DCPS: variants seen among roughly 807,000 people sequenced by gnomAD.
The protein encoded by DCPS is m7GpppX diphosphatase.
DCPS carries 27 observed loss-of-function variants against 34.7 expected under a neutral mutation model. That is an observed-to-expected ratio of 0.78 (90% confidence interval 0.57 to 1.07). The LOEUF (loss-of-function observed/expected upper bound fraction) is 1.07. DCPS is among the 50% of genes least tolerant of loss of function. DCPS has a pLI of 0.00. For missense variants in DCPS, 464 were observed against 436.9 expected (o/e 1.06, Z -0.55); for synonymous variants, 185 against 185.7 (o/e 1.00, Z 0.03).
In DCPS at chr11:126,342,118, C is replaced by G. The variant is rs1295332798; in HGVS notation, c.637-1189C>G. 2 of 152,250 alleles carry G rather than the reference C, an allele frequency of 1.3e-5. No individual in the cohort carries two copies. The highest frequency in any genetic ancestry group is 2.1e-4 in the South Asian group (1 of 4,832). The allele number at this position is 152,250 out of a possible 1,614,324, so 9.4% of individuals were successfully genotyped here. ...TGGGTTCTCCCCGTGCCTGGCCCCT[C>G]AGAGCCTTGATGTCTGGGGCCTTCC... On this transcript the variant is annotated intron_variant, in intron 4 of 5. Transcript: ENST00000263579. This position sits in a 1 kb window ranked among gnomAD's most constrained non-coding sequence, Gnocchi z 4.4.
chr11:126,325,120 G>A lies in DCPS; in HGVS notation c.377-6285G>A, dbSNP rs1012939594. Among the ~76,000 whole-genome samples, 1 of 152,158 alleles carries A rather than the reference G, an allele frequency of 6.6e-6. No homozygotes were observed. The highest frequency in any genetic ancestry group is 6.5e-5 in the Admixed American group (1 of 15,280). On this transcript the variant is annotated intron_variant, in intron 2 of 5. Coordinates refer to ENST00000263579, the MANE Select transcript of DCPS (RefSeq NM_014026.6). The surrounding 1 kb of genome is among the most constrained non-coding windows in gnomAD (Gnocchi z 4.3). ...GAGAATCGCTTGAACCCAGGAGGTGGAGGTTGCAGTGAGCCAAGATCGTGC... is the reference window on the plus strand; with the variant it reads ...GAGAATCGCTTGAACCCAGGAGGTGAAGGTTGCAGTGAGCCAAGATCGTGC...
chr11:126,308,063 G>A (rs1018335098), intron 2 of DCPS, among the ~76,000 whole-genome samples: 1 of 152,122 alleles, frequency 6.6e-6, no homozygotes, highest in South Asian at 2.1e-4. Context: ...GGGAGAGAAG[G>A]GCAAGAACTC....
Position 126,343,410 on chromosome 11 carries a change from A to G in DCPS, c.740A>G (p.Gln247Arg). 17 of 1,612,996 alleles carry G rather than the reference A, an allele frequency of 1.1e-5. No individual in the cohort carries two copies. Among genetic ancestry groups the G allele is most frequent in the Non-Finnish European group, 1.4e-5 (17 of 1,179,518 alleles). ...HLPLLRNILH[Q>R]GQEAILQRYR... The stretch of plus-strand genomic sequence containing the variant: ...CCGCTGCTCAGGAACATCCTCCACC[A>G]GGGGCAGGTGAGTGGCTTCACCAAA... Residue 247 changes from glutamine to arginine, a missense_variant, in exon 5 of 6, where the codon CAG (glutamine) becomes CGG (arginine). Gln to Arg is a conservative substitution (Grantham distance 43). Coordinates refer to ENST00000263579, the MANE Select transcript of DCPS (RefSeq NM_014026.6).
Position 126,333,118 on chromosome 11 carries a change from C to G in DCPS, c.522+1568C>G, listed in dbSNP as rs971119020. Among the ~76,000 whole-genome samples the G allele has an allele frequency of 1.1e-4, 17 of 152,322 alleles. No individual in the cohort carries two copies. The highest frequency in any genetic ancestry group is 4.1e-4 in the African/African-American group (17 of 41,576). ...TTGGCCTCCCAAAGTGCTAGGATTA[C>G]AGGTGTGAGCCACTGTGCCTGGCCA... On this transcript the variant is annotated intron_variant, in intron 3 of 5. Coordinates refer to ENST00000263579, the MANE Select transcript of DCPS (RefSeq NM_014026.6). The surrounding 1 kb of genome is among the most constrained non-coding windows in gnomAD (Gnocchi z 5.7).
Position 126,328,912 on chromosome 11 carries a change from A to G in DCPS, c.377-2493A>G, listed in dbSNP as rs1191911235. On this transcript the variant is annotated intron_variant, in intron 2 of 5. Transcript: ENST00000263579. This position sits in a 1 kb window ranked among gnomAD's most constrained non-coding sequence, Gnocchi z 6.6. The stretch of plus-strand genomic sequence containing the variant: ...AGGTAGGTGCTGTTATTGTTACCCC[A>G]GATTGTAGAAGTCAGGAGACTGAAG... Among the ~76,000 whole-genome samples, 1 of 152,170 alleles carries G rather than the reference A, an allele frequency of 6.6e-6. No homozygotes were observed. The highest frequency in any genetic ancestry group is 1.5e-5 in the Non-Finnish European group (1 of 68,034).
At chr11:126,306,802 A>T in intron 2 of DCPS, 58 bp downstream of exon 2, 3 of 1,555,200 alleles carry the variant, frequency 1.9e-6, no homozygotes, top group Non-Finnish European at 2.6e-6. Flanking sequence ...GTGGGAAATT[A>T]GGTGGTATGG....
In DCPS at chr11:126,331,322, G is replaced by A; in HGVS notation, c.377-83G>A. The A allele has an allele frequency of 6.4e-7, 1 of 1,554,216 alleles. No individual in the cohort carries two copies. The highest frequency in any genetic ancestry group is 8.7e-7 in the Non-Finnish European group (1 of 1,148,538). On this transcript the variant is annotated intron_variant, in intron 2 of 5. Transcript: ENST00000263579. The surrounding 1 kb of genome is among the most constrained non-coding windows in gnomAD (Gnocchi z 7.2). ...TCCCTCAGGGAATCAAAGCCAGGGT[G>A]GGAGTTCTCTCCTCACCGTGGTGCC...
In DCPS at chr11:126,342,355, C is replaced by T. The variant is rs1374542957; in HGVS notation, c.637-952C>T. ...ATAGGGGAAGAGAGAAACAAGCTAACTGCCCTGGTGTTGTGTGTGCTGCTG... is the reference window on the plus strand; with the variant it reads ...ATAGGGGAAGAGAGAAACAAGCTAATTGCCCTGGTGTTGTGTGTGCTGCTG... On this transcript the variant is annotated intron_variant, in intron 4 of 5. Transcript: ENST00000263579. This position sits in a 1 kb window ranked among gnomAD's most constrained non-coding sequence, Gnocchi z 4.4. 1.3e-5 allele frequency: 2 copies of T among 152,514 alleles called. No homozygotes were observed. The highest frequency in any genetic ancestry group is 2.9e-5 in the Non-Finnish European group (2 of 68,288). The allele number at this position is 152,514 out of a possible 1,614,324, so 9.4% of individuals were successfully genotyped here. A position where few individuals can be genotyped will look rare whatever the true frequency, so the allele number is the denominator to read the frequency against.
chr11:126,309,405 C>T (rs546792298), intron 2 of DCPS, among the ~76,000 whole-genome samples: 121 of 152,252 alleles, frequency 7.9e-4, no homozygotes, highest in African/African-American at 2.5e-3. Flanking sequence ...TGTGGATGCT[C>T]AAGTCCCTGA....
Position 126,346,265 on chromosome 11 carries a change from TCAGCGAGTCCC to T in DCPS, c.*657_*667del, listed in dbSNP as rs1951927993. Among the ~76,000 whole-genome samples the T allele has an allele frequency of 6.6e-6, 1 of 152,124 alleles. No homozygotes were observed. Among genetic ancestry groups the T allele is most frequent in the Non-Finnish European group, 1.5e-5 (1 of 68,018 alleles). On this transcript the variant is annotated 3_prime_UTR_variant, in exon 6 of 6. Coordinates refer to ENST00000263579, the MANE Select transcript of DCPS (RefSeq NM_014026.6). The surrounding 1 kb of genome is among the most constrained non-coding windows in gnomAD (Gnocchi z 4.1). ...AAGCCTGCCTTGCTCTGTTATTTGG[TCAGCGAGTCCC>T]CAGCCTTGAGTTTTTATCTCGGCAG...
Position 126,307,339 on chromosome 11 carries a change from A to G in DCPS, c.376+595A>G, listed in dbSNP as rs1454617105. On this transcript the variant is annotated intron_variant, in intron 2 of 5. Transcript: ENST00000263579. ...TGGAACAAAACCCTATCTCAAAAAA[A>G]AAAAAAAAAAAGAGAAACCTTGTTG... Among the ~76,000 whole-genome samples the G allele has an allele frequency of 2.0e-5, 3 of 148,976 alleles. No individual in the cohort carries two copies. In the East Asian group the frequency reaches 5.8e-4, roughly 29 times the overall value.
chr11:126,345,333 C>T lies in DCPS; in HGVS notation c.748-14C>T. 3 of 1,613,320 alleles carry T rather than the reference C, an allele frequency of 1.9e-6. No homozygotes were observed. The highest frequency in any genetic ancestry group is 2.5e-6 in the Non-Finnish European group (3 of 1,179,864). On this transcript the variant is annotated splice_polypyrimidine_tract_variant and intron_variant, in intron 5 of 5. Transcript: ENST00000263579. The surrounding 1 kb of genome is among the most constrained non-coding windows in gnomAD (Gnocchi z 7.4). The stretch of plus-strand genomic sequence containing the variant: ...GCACGGTGACTCCTGACCTGCCTGC[C>T]CCTGTCTCATCAGGAGGCCATCCTG...
In DCPS at chr11:126,331,071, C is replaced by T. The variant is rs1048152180; in HGVS notation, c.377-334C>T. 6.6e-6 allele frequency among the ~76,000 whole-genome samples: 1 copy of T among 152,064 alleles called. No homozygotes were observed. Among genetic ancestry groups the T allele is most frequent in the African/African-American group, 2.4e-5 (1 of 41,406 alleles). ...ATTTTCAGCTTTGGGTCCAGAAAGC[C>T]ACATACCTAGAAATTTGGTATGTGA... is the stretch of plus-strand genomic sequence containing the variant. On this transcript the variant is annotated intron_variant, in intron 2 of 5. Transcript: ENST00000263579. This position sits in a 1 kb window ranked among gnomAD's most constrained non-coding sequence, Gnocchi z 7.2.
At chr11:126,318,198 AG>A (rs1414821400) in intron 2 of DCPS, among the ~76,000 whole-genome samples, 1 of 152,146 alleles carries the variant, frequency 6.6e-6, no homozygotes, top group Non-Finnish European at 1.5e-5. Flanking sequence ...GCTTTCCTAG[AG>A]ACAGGTAATT....
Position 126,322,415 on chromosome 11 carries a change from C to A in DCPS, c.377-8990C>A, listed in dbSNP as rs240557. On this transcript the variant is annotated intron_variant, in intron 2 of 5. Coordinates refer to ENST00000263579, the MANE Select transcript of DCPS (RefSeq NM_014026.6). This position sits in a 1 kb window ranked among gnomAD's most constrained non-coding sequence, Gnocchi z 4.2. ...AGTAGCTGGGATTACAGGCGCACAC[C>A]ACCACGCCCGGCTCATTTTTGTATT... Among the ~76,000 whole-genome samples the A allele has an allele frequency of 0.2, 31,054 of 151,838 alleles. 3,366 individuals carry two copies. The highest frequency in any genetic ancestry group is 0.24 in the Non-Finnish European group (16,342 of 67,926).
intron 2 of DCPS, among the ~76,000 whole-genome samples, chr11:126,307,351 G>A (rs956964189): frequency 1.3e-5 from 2 of 148,276 alleles, no homozygotes; most frequent in Admixed American, 6.8e-5. Context: ...AAAAAAAAAA[G>A]AGAAACCTTG....
chr11:126,304,393 T>G, intron 1 of DCPS, 112 bp downstream of exon 1: 1 of 1,263,178 alleles, frequency 7.9e-7, no homozygotes, highest in East Asian at 2.4e-5. Context: ...TCATTATCAC[T>G]CCGGGGAGGC....
chr11:126,347,085 A>G lies in DCPS; in HGVS notation c.*1472A>G, dbSNP rs963050505. 3.7e-4 allele frequency among the ~76,000 whole-genome samples: 56 copies of G among 151,642 alleles called. No homozygotes were observed. The highest frequency in any genetic ancestry group is 1.4e-3 in the African/African-American group (56 of 41,322). ...CAGAGCAAGACTCCCTCTCAGAAAAAAAAATTAAAAAAATAGAAACAGCCG... is the reference window on the plus strand; with the variant it reads ...CAGAGCAAGACTCCCTCTCAGAAAAGAAAATTAAAAAAATAGAAACAGCCG... On this transcript the variant is annotated 3_prime_UTR_variant, in exon 6 of 6. Transcript: ENST00000263579. The surrounding 1 kb of genome is among the most constrained non-coding windows in gnomAD (Gnocchi z 4.2).
In DCPS at chr11:126,345,408, T is replaced by G; in HGVS notation, c.809T>G (p.Leu270Arg). The G allele has an allele frequency of 6.2e-7, 1 of 1,614,220 alleles. No individual in the cohort carries two copies. The highest frequency in any genetic ancestry group is 8.5e-7 in the Non-Finnish European group (1 of 1,180,026). Residue 270 changes from leucine (L) to arginine (R), a missense_variant, in exon 6 of 6, where the codon CTG becomes CGG. Coordinates refer to ENST00000263579, the MANE Select transcript of DCPS (RefSeq NM_014026.6). The surrounding 1 kb of genome is among the most constrained non-coding windows in gnomAD (Gnocchi z 7.4). ...GDHLRVYLHY[L>R]PSYYHLHVHF... ...CATCTGCGAGTATACCTGCACTACC[T>G]GCCCTCCTACTACCACCTGCATGTG...
Sources: allele counts gnomAD v4.1 joint callset (sites outside exome capture counted in the v4.1 genomes callset), GRCh38; gene constraint gnomAD v4.1.1; non-coding constraint Gnocchi (gnomAD v3.1); transcripts MANE v1.5; gene names NCBI Gene and HGNC (gene_info 2026-07-23, HGNC 2026-07-21).